CFAP97D2: variants seen among roughly 807,000 people sequenced by gnomAD.
CFAP97D2 encodes uncharacterized protein CFAP97D2.
chr13:114,211,722 G>T lies in CFAP97D2; in HGVS notation c.291-190G>T, dbSNP rs180674367. 5.3e-5 allele frequency among the ~76,000 whole-genome samples: 8 copies of T among 152,296 alleles called. No homozygotes were observed. The highest frequency in any genetic ancestry group is 2.0e-4 in the Admixed American group (3 of 15,300). Reference sequence around the variant, plus strand: ...CGCGCCGGGGCTGAGTGTGCCCTTCGCTCCTCTCTGAGCCAGCAGCTCCCA... The same window carrying T: ...CGCGCCGGGGCTGAGTGTGCCCTTCTCTCCTCTCTGAGCCAGCAGCTCCCA... On this transcript the variant is annotated intron_variant, in intron 3 of 4. Transcript: ENST00000646158. The surrounding 1 kb of genome is among the most constrained non-coding windows in gnomAD (Gnocchi z 4.2).
At chr13:114,183,529 A>C (rs1814681940) in intron 1 of CFAP97D2, among the ~76,000 whole-genome samples, 1 of 152,122 alleles carries the variant, frequency 6.6e-6, no homozygotes, top group South Asian at 2.1e-4. Flanking sequence ...TGAGAAATCC[A>C]AGGTTAAGGC....
At chr13:114,206,292 A>G (rs2080939968) in intron 3 of CFAP97D2, among the ~76,000 whole-genome samples, 1 of 152,008 alleles carries the variant, frequency 6.6e-6, no homozygotes, top group Admixed American at 6.6e-5. Flanking sequence ...TAGTAGAGAC[A>G]GGGTTTCGCC....
chr13:114,218,741 A>T (rs1414420098), intron 4 of CFAP97D2, among the ~76,000 whole-genome samples: 3 of 152,224 alleles, frequency 2.0e-5, no homozygotes, highest in Non-Finnish European at 4.4e-5. Flanking sequence ...CAACCATTTG[A>T]TCTTTGACAA....
At chr13:114,201,361 C>G (rs1426190152) in intron 3 of CFAP97D2, among the ~76,000 whole-genome samples, 1 of 152,204 alleles carries the variant, frequency 6.6e-6, no homozygotes, top group East Asian at 1.9e-4. Flanking sequence ...ATAGTAGTTT[C>G]AGATTTCATA....
intron 4 of CFAP97D2, among the ~76,000 whole-genome samples, chr13:114,219,887 A>G (rs1309720421): frequency 6.6e-6 from 1 of 151,862 alleles, no homozygotes; most frequent in Non-Finnish European, 1.5e-5. Flanking sequence ...CGATGGGCCC[A>G]GGGCCATAGG....
chr13:114,204,819 T>C (rs1247761699), intron 3 of CFAP97D2, among the ~76,000 whole-genome samples: 3 of 152,022 alleles, frequency 2.0e-5, no homozygotes, highest in Admixed American at 6.5e-5. Context: ...AACAAGAAGA[T>C]ACATAAACTG....
intron 4 of CFAP97D2, among the ~76,000 whole-genome samples, chr13:114,214,650 G>A (rs377354357): frequency 1.3e-5 from 2 of 152,048 alleles, no homozygotes; most frequent in Non-Finnish European, 1.5e-5. Flanking sequence ...GCAGTGGCGC[G>A]ATCTTGGCTC....
chr13:114,200,119 A>G (rs1418854398), intron 2 of CFAP97D2, among the ~76,000 whole-genome samples: 3 of 96,586 alleles, frequency 3.1e-5, no homozygotes, highest in Non-Finnish European at 6.3e-5. Flanking sequence ...GCTGAGGCGT[A>G]ACAGGGCGTC....
intron 4 of CFAP97D2, among the ~76,000 whole-genome samples, chr13:114,220,340 C>G (rs1234538072): frequency 6.6e-6 from 1 of 152,300 alleles, no homozygotes; most frequent in East Asian, 1.9e-4. Context: ...AGAACCCCTT[C>G]CCTGCTCTCC....
chr13:114,221,697 A>G (rs1047967242), intron 4 of CFAP97D2, among the ~76,000 whole-genome samples: 12 of 152,120 alleles, frequency 7.9e-5, no homozygotes, highest in African/African-American at 2.9e-4. Context: ...CATGTACCCT[A>G]GAACTTAAAG....
intron 4 of CFAP97D2, among the ~76,000 whole-genome samples, chr13:114,217,301 C>T (rs1170434811): frequency 6.6e-6 from 1 of 152,162 alleles, no homozygotes; most frequent in Non-Finnish European, 1.5e-5. Context: ...AATTCCTGGA[C>T]ACATACACCC....
intron 2 of CFAP97D2, among the ~76,000 whole-genome samples, chr13:114,198,732 TG>T (rs2138765819): frequency 2.0e-5 from 1 of 50,652 alleles, no homozygotes; most frequent in Admixed American, 1.9e-4. Flanking sequence ...CGTCCCCGTG[TG>T]TACAGTCCCC....
rs146084049 is a variant in CFAP97D2 at position 114,191,175 on chromosome 13, G to T, written c.91-5221G>T. Among the ~76,000 whole-genome samples, 852 of 152,166 alleles carry T rather than the reference G, an allele frequency of 5.6e-3. 2 individuals carry two copies. The highest frequency in any genetic ancestry group is 8.8e-3 in the Non-Finnish European group (601 of 67,992). ...CCTAGAGGACCATGAGTATGGGAAT[G>T]ACTTTTTTTTTTAAATCAGCAAGCA... is the stretch of plus-strand genomic sequence containing the variant. On this transcript the variant is annotated intron_variant, in intron 1 of 4. Transcript: ENST00000646158.
rs74116827 is a variant in CFAP97D2, at chr13:114,210,941, G to T, written c.291-971G>T. 3.0e-3 allele frequency among the ~76,000 whole-genome samples: 458 copies of T among 151,914 alleles called. 3 individuals are homozygous for T. Among genetic ancestry groups the T allele is most frequent in the African/African-American group, 0.011 (444 of 41,378 alleles). On this transcript the variant is annotated intron_variant, in intron 3 of 4. Coordinates refer to ENST00000646158, the Ensembl canonical transcript of CFAP97D2. The stretch of plus-strand genomic sequence containing the variant: ...CATCTTGCAGCACATGGTGTGCTAT[G>T]GTTTTCCAAAACAACAGATGCAATC...
In CFAP97D2 at chr13:114,185,789, C is replaced by G. The variant is rs2138750908; in HGVS notation, c.90+6369C>G. ...CTCCAGATTTGGGCACTGACAAGCACAGGAGGGAGGCTGAGGGGGATGCAG... is the reference window on the plus strand; with the variant it reads ...CTCCAGATTTGGGCACTGACAAGCAGAGGAGGGAGGCTGAGGGGGATGCAG... On this transcript the variant is annotated intron_variant, in intron 1 of 4. Transcript: ENST00000646158. The surrounding 1 kb of genome is among the most constrained non-coding windows in gnomAD (Gnocchi z 5.2). 6.6e-6 allele frequency among the ~76,000 whole-genome samples: 1 copy of G among 152,352 alleles called. No homozygotes were observed. The highest frequency in any genetic ancestry group is 2.1e-4 in the South Asian group (1 of 4,832).
chr13:114,204,342 T>C (rs1310739822), intron 3 of CFAP97D2, among the ~76,000 whole-genome samples: 7 of 152,216 alleles, frequency 4.6e-5, no homozygotes, highest in Admixed American at 3.9e-4. Flanking sequence ...CTGCGTGTTC[T>C]GGACCATGAA....
rs2080825248 is a variant in CFAP97D2, at chr13:114,179,532, C to A, written c.90+112C>A. 1 of 396,034 alleles carries A rather than the reference C, an allele frequency of 2.5e-6. No homozygotes were observed. The highest frequency in any genetic ancestry group is 4.4e-5 in the Admixed American group (1 of 22,648). 24.5% of individuals were successfully genotyped at this position (396,034 alleles called of 1,614,324 possible). A position where few individuals can be genotyped will look rare whatever the true frequency, so the allele number is the denominator to read the frequency against. ...CTGGAGGTGATTTTCTTTTTGGAGA[C>A]AGCATGGTTGAAATGACATTTCCTA... On this transcript the variant is annotated intron_variant, in intron 1 of 4. Coordinates refer to ENST00000646158, the Ensembl canonical transcript of CFAP97D2. The surrounding 1 kb of genome is among the most constrained non-coding windows in gnomAD (Gnocchi z 4.8).
intron 1 of CFAP97D2, among the ~76,000 whole-genome samples, chr13:114,194,504 C>T (rs1488363962): frequency 1.3e-5 from 2 of 152,044 alleles, no homozygotes; most frequent in Non-Finnish European, 2.9e-5. Context: ...TTACGTGAGT[C>T]CTGAGTCAAA....
At chr13:114,198,281 G>A (rs894251181) in intron 2 of CFAP97D2, among the ~76,000 whole-genome samples, 1 of 152,202 alleles carries the variant, frequency 6.6e-6, no homozygotes, top group Non-Finnish European at 1.5e-5. Context: ...AATGCCTCCA[G>A]GACAAAAGGC....
Sources: gnomAD v4.1 joint callset for allele counts (sites outside exome capture counted in the v4.1 genomes callset) on GRCh38, gnomAD v4.1.1 for gene constraint, Gnocchi (gnomAD v3.1) non-coding constraint, MANE v1.5 for transcripts, NCBI Gene and HGNC (gene_info 2026-07-23, HGNC 2026-07-21) for gene names.